DLL4: variants seen among roughly 807,000 people sequenced by gnomAD.
DLL4 encodes the protein delta-like protein 4.
In DLL4, 7 loss-of-function variants were observed where a neutral mutation model predicts 73.6. The ratio of observed to expected loss-of-function variants is 0.10; its 90% CI spans 0.05 to 0.18. The LOEUF is 0.18. DLL4 is among the 10% of genes least tolerant of loss of function. The pLI, the probability that DLL4 is intolerant of heterozygous loss-of-function variation, is 1.00. For synonymous variants in DLL4, 345 were observed against 374.3 expected (o/e 0.92, Z 0.90); for missense variants, 614 against 929.9 (o/e 0.66, Z 4.42).
Position 40,936,253 on chromosome 15 carries a change from A to G in DLL4, c.1266A>G (p.Pro422=), listed in dbSNP as rs758675187. The change falls in exon 9 of 11, where the codon CCA becomes CCG. Residue 422 remains proline (P), a synonymous_variant. Transcript: ENST00000249749. ...GGGGACAGTGCCTGAACCGAGGTCC[A>G]AGCCGCATGTGCCGCTGCCGTCCTG... The part of the protein sequence containing the change: ...ANGGQCLNRG[P]SRMCRCRPGF... 6.2e-7 allele frequency: 1 copy of G among 1,603,362 alleles called. No homozygotes were observed. Among genetic ancestry groups the G allele is most frequent in the South Asian group, 1.1e-5 (1 of 89,950 alleles).
chr15:40,934,790 T>C, intron 7 of DLL4, 73 bp downstream of exon 7: 1 of 1,588,018 alleles, frequency 6.3e-7, no homozygotes, highest in Non-Finnish European at 8.6e-7. Flanking sequence ...AGGCAGTTAG[T>C]GGATGTACAG....
At chr15:40,932,851 C>T (rs2140369786) in intron 6 of DLL4, among the ~76,000 whole-genome samples, 1 of 152,326 alleles carries the variant, frequency 6.6e-6, no homozygotes, top group Admixed American at 6.5e-5. Flanking sequence ...CCCTAAACAG[C>T]TGTCCGGTGG....
chr15:40,937,924 GC>G, intron 10 of DLL4, 104 bp from the exon 11 acceptor site: 1 of 1,410,558 alleles, frequency 7.1e-7, no homozygotes, highest in Non-Finnish European at 9.7e-7. Context: ...CCTGCCCTTA[GC>G]CCCTGCCTGC....
chr15:40,932,434 G>A lies in DLL4; in HGVS notation c.837G>A (p.Leu279=). 1 of 1,613,960 alleles carries A rather than the reference G, an allele frequency of 6.2e-7. No individual in the cohort carries two copies. The highest frequency in any genetic ancestry group is 8.5e-7 in the Non-Finnish European group (1 of 1,179,886). Residue 279 remains leucine (L), a synonymous_variant, in exon 6 of 11, where the codon CTG becomes CTA. Coordinates refer to ENST00000249749, the MANE Select transcript of DLL4 (RefSeq NM_019074.4). The part of the protein sequence containing the change: ...QCTCDEGWGG[L]FCDQDLNYCT... ...CTTGTGATGAGGGCTGGGGAGGCCT[G>A]TTTTGTGACCAAGGTGAGTCAGGGT...
Position 40,930,251 on chromosome 15 carries a change from C to A in DLL4, c.336+135C>A. ...AAGCCCAGGATGCATTCTTTCCTGG[C>A]TCTTCCCGACTCTCTCCTGAGACTG... is the stretch of plus-strand genomic sequence containing the variant. On this transcript the variant is annotated intron_variant, in intron 2 of 10. Coordinates refer to ENST00000249749, the MANE Select transcript of DLL4 (RefSeq NM_019074.4). This position sits in a 1 kb window ranked among gnomAD's most constrained non-coding sequence, Gnocchi z 5.7. 6 of 1,069,878 alleles carry A rather than the reference C, an allele frequency of 5.6e-6. No individual in the cohort carries two copies. Among genetic ancestry groups the A allele is most frequent in the Non-Finnish European group, 8.0e-6 (6 of 751,958 alleles). 66.3% of individuals were successfully genotyped at this position (1,069,878 alleles called of 1,614,324 possible). A position where few individuals can be genotyped will look rare whatever the true frequency, so the allele number is the denominator to read the frequency against.
chr15:40,931,789 G>A (rs1302563082), intron 4 of DLL4, 23 bp downstream of exon 4: 8 of 1,611,866 alleles, frequency 5.0e-6, no homozygotes, highest in Non-Finnish European at 6.8e-6. Flanking sequence ...GCTCCCACCT[G>A]TGTGGAAGGG....
Position 40,938,179 on chromosome 15 carries a change from C to A in DLL4, c.*145C>A. On this transcript the variant is annotated 3_prime_UTR_variant, in exon 11 of 11. Transcript: ENST00000249749. Reference sequence around the variant, plus strand: ...GAGGGAATGGCAGGAACCGGACAGACTGTGAACTTGCCAAGAGATGCAATA... The same window carrying A: ...GAGGGAATGGCAGGAACCGGACAGAATGTGAACTTGCCAAGAGATGCAATA... 1 of 920,896 alleles carries A rather than the reference C, an allele frequency of 1.1e-6. No individual in the cohort carries two copies. Among genetic ancestry groups the A allele is most frequent in the Non-Finnish European group, 1.5e-6 (1 of 655,874 alleles). The allele number at this position is 920,896 out of a possible 1,614,324, so 57.0% of individuals were successfully genotyped here. A position where few individuals can be genotyped will look rare whatever the true frequency, so the allele number is the denominator to read the frequency against.
chr15:40,937,270 C>T (rs973509647), intron 9 of DLL4, 148 bp from the exon 10 acceptor site: 2 of 676,362 alleles, frequency 3.0e-6, no homozygotes, highest in Non-Finnish European at 5.3e-6. Flanking sequence ...CCTAAGTGCC[C>T]CCCTGCAGCA....
chr15:40,938,052 A>T lies in DLL4; in HGVS notation c.*18A>T. On this transcript the variant is annotated 3_prime_UTR_variant, in exon 11 of 11. Coordinates refer to ENST00000249749, the MANE Select transcript of DLL4 (RefSeq NM_019074.4). ...AGGTATAAGGCAGGAGCCTACCTGG[A>T]CATCCCTGCTCAGCCCCGCGGCTGG... The T allele has an allele frequency of 6.4e-7, 1 of 1,569,190 alleles. No homozygotes were observed. The highest frequency in any genetic ancestry group is 8.6e-7 in the Non-Finnish European group (1 of 1,160,142).
At position 40,930,824 on chromosome 15, in the gene DLL4, C is replaced by A. The variant is rs912613070; in HGVS notation, c.394+142C>A. ...GCCTGGAGCTGCGCCCCGCGCTGGA[C>A]GCTCGGATTCCGCTCGCTGCCTGGA... On this transcript the variant is annotated intron_variant, in intron 3 of 10. Coordinates refer to ENST00000249749, the MANE Select transcript of DLL4 (RefSeq NM_019074.4). This position sits in a 1 kb window ranked among gnomAD's most constrained non-coding sequence, Gnocchi z 5.7. The A allele has an allele frequency of 2.5e-6, 2 of 807,058 alleles. No homozygotes were observed. Among genetic ancestry groups the A allele is most frequent in the Non-Finnish European group, 4.0e-6 (2 of 506,014 alleles). The allele number at this position is 807,058 out of a possible 1,614,324, so 50.0% of individuals were successfully genotyped here.
intron 6 of DLL4, among the ~76,000 whole-genome samples, chr15:40,932,826 G>A (rs1387515772): frequency 1.3e-5 from 2 of 152,216 alleles, no homozygotes; most frequent in Non-Finnish European, 2.9e-5. Flanking sequence ...TTCCAGGGCT[G>A]TTTGAGCAGC....
Position 40,938,610 on chromosome 15 carries a change from T to G in DLL4, c.*576T>G, listed in dbSNP as rs895033892. The G allele has an allele frequency of 6.6e-6, 1 of 152,662 alleles. No individual in the cohort carries two copies. Among genetic ancestry groups the G allele is most frequent in the Non-Finnish European group, 1.5e-5 (1 of 68,186 alleles). The allele number at this position is 152,662 out of a possible 1,614,324, so 9.5% of individuals were successfully genotyped here. A position where few individuals can be genotyped will look rare whatever the true frequency, so the allele number is the denominator to read the frequency against. ...CTGCCCCATGCCTCCAACTACTGTA[T>G]GCAGGCCTGGCTCTCTGGTCTAGGC... is the stretch of plus-strand genomic sequence containing the variant. On this transcript the variant is annotated 3_prime_UTR_variant, in exon 11 of 11. Transcript: ENST00000249749.
chr15:40,938,446 G>A lies in DLL4; in HGVS notation c.*412G>A, dbSNP rs757938619. 2 of 165,582 alleles carry A rather than the reference G, an allele frequency of 1.2e-5. No homozygotes were observed. The highest frequency in any genetic ancestry group is 2.4e-5 in the African/African-American group (1 of 41,982). The allele number at this position is 165,582 out of a possible 1,614,324, so 10.3% of individuals were successfully genotyped here. ...GTGCCTTTGGCCCAGGCTCCACGGC[G>A]ACAGTTGGGCCCAAATCAGAAAGGA... On this transcript the variant is annotated 3_prime_UTR_variant, in exon 11 of 11. Transcript: ENST00000249749.
rs374507826 is a variant in DLL4, at chr15:40,934,594, G to A, written c.897G>A (p.Thr299=). ...ACTCCCCATGCAAGAATGGGGCAACGTGCTCCAACAGTGGGCAGCGAAGCT... is the reference window on the plus strand; with the variant it reads ...ACTCCCCATGCAAGAATGGGGCAACATGCTCCAACAGTGGGCAGCGAAGCT... ...THHSPCKNGA[T]CSNSGQRSYT... Residue 299 remains threonine (T), a synonymous_variant, in exon 7 of 11, where the codon ACG becomes ACA. Coordinates refer to ENST00000249749, the MANE Select transcript of DLL4 (RefSeq NM_019074.4). 280 of 1,613,892 alleles carry A rather than the reference G, an allele frequency of 1.7e-4. 1 individual carries two copies. Among genetic ancestry groups the A allele is most frequent in the Middle Eastern group, 1.5e-3 (9 of 6,062 alleles).
At position 40,931,739 on chromosome 15, in the gene DLL4, G is replaced by A. The variant is rs2140369266; in HGVS notation, c.631G>A (p.Gly211Ser). The change falls in exon 4 of 11, where the codon GGT (glycine) becomes AGT (serine). Residue 211 changes from glycine to serine, a missense_variant. Gly to Ser is a moderately conservative substitution (Grantham distance 56, BLOSUM62 0). This residue lies in a region of DLL4 where 227 missense variants were observed against 370.8 expected (regional missense o/e 0.61). Transcript: ENST00000249749. ...AGATGGCAACTTGTCCTGCCTGCCC[G>A]GTTGGACTGGGGAATATTGCCAACA... is the stretch of plus-strand genomic sequence containing the variant. ...QPDGNLSCLP[G>S]WTGEYCQQPI... 2 of 1,613,682 alleles carry A rather than the reference G, an allele frequency of 1.2e-6. No individual in the cohort carries two copies. The highest frequency in any genetic ancestry group is 1.7e-6 in the Non-Finnish European group (2 of 1,179,872).
rs1461319003 is a variant in DLL4 at position 40,930,138 on chromosome 15, T to C, written c.336+22T>C. 2 of 1,600,380 alleles carry C rather than the reference T, an allele frequency of 1.2e-6. No homozygotes were observed. The highest frequency in any genetic ancestry group is 1.7e-6 in the Non-Finnish European group (2 of 1,174,146). On this transcript the variant is annotated intron_variant, in intron 2 of 10. Coordinates refer to ENST00000249749, the MANE Select transcript of DLL4 (RefSeq NM_019074.4). This position sits in a 1 kb window ranked among gnomAD's most constrained non-coding sequence, Gnocchi z 5.7. ...GCCGGTGAGCACAGCCTGGGCGCAC[T>C]GGGAGGTCGCAGAAGCCGAGAGAGG...
rs1892737908 is a variant in DLL4, at chr15:40,929,856, G to A, written c.76G>A (p.Gly26Ser). 1 of 1,611,472 alleles carries A rather than the reference G, an allele frequency of 6.2e-7. No individual in the cohort carries two copies. The highest frequency in any genetic ancestry group is 8.5e-7 in the Non-Finnish European group (1 of 1,179,474). ...GGTCCCTGTGCAATAGCGCGCGGCC[G>A]GCTCCGGCGTCTTCCAGCTGCAGCT... ...LVALWQQRAA[G>S]SGVFQLQLQE... Residue 26 changes from glycine to serine, a missense_variant, in exon 2 of 11, where the codon GGC (glycine) becomes AGC (serine). Gly to Ser is a moderately conservative substitution (Grantham distance 56). Around this residue, in one of 3 missense-constraint regions of DLL4, gnomAD observed 227 missense variants for 370.8 expected, o/e 0.61. Coordinates refer to ENST00000249749, the MANE Select transcript of DLL4 (RefSeq NM_019074.4). The surrounding 1 kb of genome is among the most constrained non-coding windows in gnomAD (Gnocchi z 7.1).
At position 40,932,379 on chromosome 15, in the gene DLL4, A is replaced by G. The variant is rs780517390; in HGVS notation, c.782A>G (p.His261Arg). ...TGCATCCCCCACAATGGCTGTCGCC[A>G]CGGCACCTGCAGCACTCCCTGGCAA... ...NECIPHNGCR[H>R]GTCSTPWQCT... Residue 261 changes from histidine to arginine, a missense_variant, in exon 6 of 11, where the codon CAC becomes CGC. Physicochemically the swap from His to Arg is conservative, Grantham distance 29. Coordinates refer to ENST00000249749, the MANE Select transcript of DLL4 (RefSeq NM_019074.4). 2.6e-5 allele frequency: 42 copies of G among 1,613,854 alleles called. No individual in the cohort carries two copies. Among genetic ancestry groups the G allele is most frequent in the Non-Finnish European group, 3.2e-5 (38 of 1,179,908 alleles).
intron 6 of DLL4, among the ~76,000 whole-genome samples, chr15:40,932,926 C>T (rs1481969817): frequency 7.2e-5 from 11 of 152,170 alleles, no homozygotes; most frequent in African/African-American, 2.4e-4. Flanking sequence ...GGCATCTAAC[C>T]GACTTTTCGG....
Sources: gnomAD v4.1 joint callset for allele counts (sites outside exome capture counted in the v4.1 genomes callset) on GRCh38, gnomAD v4.1.1 for gene constraint, gnomAD v4.1.1 regional missense constraint, Gnocchi (gnomAD v3.1) non-coding constraint, MANE v1.5 for transcripts, NCBI Gene and HGNC (gene_info 2026-07-23, HGNC 2026-07-21) for gene names.